Variants in LRRC4C observed in about 807,000 individuals in gnomAD.
LRRC4C encodes leucine-rich repeat-containing protein 4C.
Under a neutral mutation model 33.6 loss-of-function variants are expected in LRRC4C, and 5 were observed. The observed-to-expected ratio is 0.15, with a 90% CI of 0.08 to 0.31. The LOEUF (loss-of-function observed/expected upper bound fraction) is 0.31. Among genes scored for constraint, LRRC4C ranks in the 10% least tolerant of loss-of-function variants. LRRC4C has a pLI of 1.00. For missense variants in LRRC4C, 560 were observed against 796.7 expected, an observed-to-expected ratio of 0.70 and a Z score of 3.58; for synonymous variants, 329 against 302.0, an observed-to-expected ratio of 1.09 and a Z score of -0.93.
chr11:41,015,392 A>G (rs1198927276), intron 1 of LRRC4C, among the ~76,000 whole-genome samples: 4 of 152,082 alleles, frequency 2.6e-5, no homozygotes, highest in Admixed American at 6.5e-5. Context: ...GTGGTGGCAC[A>G]GTCTTAGCTC....
intron 2 of LRRC4C, among the ~76,000 whole-genome samples, chr11:40,862,153 A>G (rs923475648): frequency 1.3e-5 from 2 of 152,228 alleles, no homozygotes; most frequent in Non-Finnish European, 2.9e-5. Flanking sequence ...ACATGGGAAT[A>G]CTACTGAATA....
intron 1 of LRRC4C, among the ~76,000 whole-genome samples, chr11:41,447,333 T>C (rs1026085027): frequency 3.5e-4 from 54 of 152,332 alleles, no homozygotes; most frequent in African/African-American, 1.3e-3. Context: ...AATCAATACA[T>C]GAAATATGTA....
intron 1 of LRRC4C, among the ~76,000 whole-genome samples, chr11:41,425,536 G>A (rs925574623): frequency 2.6e-5 from 4 of 151,910 alleles, no homozygotes; most frequent in African/African-American, 9.7e-5. Context: ...GTCTAATTTC[G>A]ATAACAAAAG....
At chr11:40,256,775 T>C (rs1357390480) in intron 4 of LRRC4C, among the ~76,000 whole-genome samples, 1 of 152,178 alleles carries the variant, frequency 6.6e-6, no homozygotes, top group Non-Finnish European at 1.5e-5. Flanking sequence ...AGAATCTTAC[T>C]TTAGTAGGCA....
At chr11:41,172,538 G>C (rs1945021364) in intron 1 of LRRC4C, among the ~76,000 whole-genome samples, 1 of 152,036 alleles carries the variant, frequency 6.6e-6, no homozygotes, top group African/African-American at 2.4e-5. Flanking sequence ...TCTCTGTACT[G>C]ACAACATTGG....
Position 40,140,855 on chromosome 11 carries a change from T to TAAAAA in LRRC4C, c.-95-7_-95-3dup, listed in dbSNP as rs5791360. ...TAAGTAGGCAGTGCGTTTGCCAATC[T>TAAAAA]AAAAAAAAAAAAAAAAGAAAAGAAA... On this transcript the variant is annotated splice_region_variant and splice_polypyrimidine_tract_variant and intron_variant, in intron 5 of 6. Coordinates refer to ENST00000528697, the MANE Select transcript of LRRC4C (RefSeq NM_001258419.2). 3 of 131,874 alleles carry TAAAAA rather than the reference T, an allele frequency of 2.3e-5. No homozygotes were observed. Among genetic ancestry groups the TAAAAA allele is most frequent in the African/African-American group, 5.8e-5 (2 of 34,758 alleles). 8.2% of individuals were successfully genotyped at this position (131,874 alleles called of 1,614,324 possible).
At chr11:41,427,579 G>C (rs919380723) in intron 1 of LRRC4C, among the ~76,000 whole-genome samples, 7 of 152,152 alleles carry the variant, frequency 4.6e-5, no homozygotes, top group Admixed American at 3.3e-4. Flanking sequence ...GCAATAGCTA[G>C]TGTGAAGATT....
intron 1 of LRRC4C, among the ~76,000 whole-genome samples, chr11:41,022,674 G>A (rs1856066978): frequency 6.6e-6 from 1 of 151,986 alleles, no homozygotes; most frequent in Non-Finnish European, 1.5e-5. Context: ...GGTCATACTG[G>A]TCTAGCTTTG....
chr11:40,752,517 A>G (rs1328896616), intron 2 of LRRC4C, among the ~76,000 whole-genome samples: 2 of 152,114 alleles, frequency 1.3e-5, no homozygotes, highest in African/African-American at 4.8e-5. Flanking sequence ...ATTTATCATA[A>G]GAGAAATGCA....
intron 3 of LRRC4C, among the ~76,000 whole-genome samples, chr11:40,506,368 A>G (rs1955032949): frequency 1.3e-5 from 2 of 152,172 alleles, no homozygotes; most frequent in African/African-American, 4.8e-5. Context: ...TCTTAACACT[A>G]CTGAATGAAA....
intron 6 of LRRC4C, among the ~76,000 whole-genome samples, chr11:40,127,810 A>G (rs1856365399): frequency 6.6e-6 from 1 of 152,194 alleles, no homozygotes; most frequent in Admixed American, 6.5e-5. Context: ...GCTTCTGCAT[A>G]TGGTCACGTT....
intron 3 of LRRC4C, among the ~76,000 whole-genome samples, chr11:40,533,384 A>C (rs1956346350): frequency 6.6e-6 from 1 of 152,112 alleles, no homozygotes; most frequent in Non-Finnish European, 1.5e-5. Flanking sequence ...CAACTAATTC[A>C]TGTGGGTCTT....
At chr11:41,420,698 T>C (rs557528006) in intron 1 of LRRC4C, among the ~76,000 whole-genome samples, 142 of 152,148 alleles carry the variant, frequency 9.3e-4, no homozygotes, top group African/African-American at 3.2e-3. Context: ...CTTTCAATCA[T>C]GGCCCCACTA....
chr11:40,154,296 A>C (rs918329861), intron 5 of LRRC4C, among the ~76,000 whole-genome samples: 19 of 152,002 alleles, frequency 1.2e-4, no homozygotes, highest in Middle Eastern at 6.8e-3. Context: ...GCAAAAAAAA[A>C]AAAAAAACAA....
chr11:40,529,501 G>A (rs1956189469), intron 3 of LRRC4C, among the ~76,000 whole-genome samples: 1 of 152,050 alleles, frequency 6.6e-6, no homozygotes, highest in Non-Finnish European at 1.5e-5. Flanking sequence ...ATCATAGAAG[G>A]TAAGAGAAAT....
chr11:41,201,899 CACACACACAT>C (rs1946410946), intron 1 of LRRC4C, among the ~76,000 whole-genome samples: 1 of 103,304 alleles, frequency 9.7e-6, no homozygotes, highest in Admixed American at 1.3e-4. Flanking sequence ...CTGCTCTACA[CACACACACAT>C]ACACACACAC....
At chr11:40,213,638 G>A (rs374579834) in intron 5 of LRRC4C, among the ~76,000 whole-genome samples, 16 of 152,196 alleles carry the variant, frequency 1.1e-4, no homozygotes, top group Admixed American at 7.2e-4. Context: ...TACTATACAC[G>A]TATGTAGTAG....
chr11:40,693,973 G>A (rs966235607), intron 2 of LRRC4C, among the ~76,000 whole-genome samples: 2 of 152,088 alleles, frequency 1.3e-5, no homozygotes, highest in Non-Finnish European at 2.9e-5. Flanking sequence ...GATTTGCCCT[G>A]CGGGGTGTAA....
chr11:41,436,303 T>C (rs1955426395), intron 1 of LRRC4C, among the ~76,000 whole-genome samples: 2 of 152,362 alleles, frequency 1.3e-5, no homozygotes, highest in South Asian at 4.1e-4. Context: ...ATTAGATGTA[T>C]TTCATGACAA....
Sources: gnomAD v4.1 joint callset for allele counts (sites outside exome capture counted in the v4.1 genomes callset) on GRCh38, gnomAD v4.1.1 for gene constraint, MANE v1.5 for transcripts, NCBI Gene and HGNC (gene_info 2026-07-23, HGNC 2026-07-21) for gene names.